Variants in SIK3 observed in about 807,000 individuals in gnomAD.
SIK3 encodes the protein SIK family kinase 3.
In SIK3, 28 loss-of-function variants were observed where a neutral mutation model predicts 144.2. The ratio of observed to expected loss-of-function variants is 0.19; its 90% CI spans 0.14 to 0.27. The LOEUF (loss-of-function observed/expected upper bound fraction) is 0.27. SIK3 is among the 10% of genes least tolerant of loss of function. SIK3 has a pLI of 1.00. For synonymous variants in SIK3, 686 were observed against 676.3 expected, an observed-to-expected ratio of 1.01 and a Z score of -0.22; for missense variants, 1,319 against 1,776.0, an observed-to-expected ratio of 0.74 and a Z score of 4.62.
In SIK3 at chr11:117,001,842, AG is replaced by A. The variant is rs573588173; in HGVS notation, c.274-44779del. ...TGAATACAATACTCTCCCTACCTTCAGTCCACCTTCTACATTGTCACATGAA... is the reference window on the plus strand; with the variant it reads ...TGAATACAATACTCTCCCTACCTTCATCCACCTTCTACATTGTCACATGAA... On this transcript the variant is annotated intron_variant, in intron 1 of 24. Transcript: ENST00000445177. 2.0e-3 allele frequency among the ~76,000 whole-genome samples: 311 copies of A among 152,340 alleles called. 3 individuals carry two copies. Among genetic ancestry groups the A allele is most frequent in the African/African-American group, 7.0e-3 (290 of 41,564 alleles).
At chr11:116,999,982 T>C (rs1297363092) in intron 1 of SIK3, among the ~76,000 whole-genome samples, 2 of 152,362 alleles carry the variant, frequency 1.3e-5, no homozygotes, top group East Asian at 3.9e-4. Context: ...AATAAAGTTT[T>C]TCCATTATGG....
chr11:117,022,598 A>G (rs1951824609), intron 1 of SIK3, among the ~76,000 whole-genome samples: 1 of 152,240 alleles, frequency 6.6e-6, no homozygotes, highest in African/African-American at 2.4e-5. Context: ...GTGAGCATAT[A>G]AACCACATTC....
At chr11:116,914,412 T>G (rs925325684) in intron 4 of SIK3, among the ~76,000 whole-genome samples, 2 of 152,102 alleles carry the variant, frequency 1.3e-5, no homozygotes, top group African/African-American at 4.8e-5. Context: ...TTTCACCATG[T>G]TGGCCAGGCT....
intron 3 of SIK3, among the ~76,000 whole-genome samples, chr11:116,936,083 T>G (rs1947900927): frequency 6.6e-6 from 1 of 152,226 alleles, no homozygotes; most frequent in Non-Finnish European, 1.5e-5. Context: ...AAGATCAGCC[T>G]GGGCAACATA....
At chr11:117,062,942 TA>T (rs1273123659) in intron 1 of SIK3, among the ~76,000 whole-genome samples, 2 of 152,232 alleles carry the variant, frequency 1.3e-5, no homozygotes, top group Non-Finnish European at 2.9e-5. Context: ...CAATGTGATT[TA>T]AGTTTGTTTT....
chr11:116,866,184 T>G (rs139587024), intron 15 of SIK3, among the ~76,000 whole-genome samples: 1 of 152,132 alleles, frequency 6.6e-6, no homozygotes, highest in Non-Finnish European at 1.5e-5. Context: ...ACGATCTTCA[T>G]GTTCCCCTCA....
chr11:117,032,747 T>C (rs570355709), intron 1 of SIK3, among the ~76,000 whole-genome samples: 1 of 152,130 alleles, frequency 6.6e-6, no homozygotes, highest in Non-Finnish European at 1.5e-5. Flanking sequence ...AAGTTCATCT[T>C]TTTTATCTGA....
chr11:116,877,076 G>A, intron 6 of SIK3, 34 bp from the exon 7 acceptor site: 2 of 1,588,016 alleles, frequency 1.3e-6, no homozygotes, highest in South Asian at 1.1e-5. Context: ...TTCAGTCTCT[G>A]GTGAGGGGAG....
At chr11:117,060,533 T>G (rs1029293599) in intron 1 of SIK3, among the ~76,000 whole-genome samples, 1 of 148,544 alleles carries the variant, frequency 6.7e-6, no homozygotes, top group African/African-American at 2.5e-5. Flanking sequence ...AGAGGCAGAG[T>G]TTGCAGTGAG....
At chr11:116,860,018 G>A (rs1317688834) in intron 19 of SIK3, among the ~76,000 whole-genome samples, 1 of 152,106 alleles carries the variant, frequency 6.6e-6, no homozygotes, top group Non-Finnish European at 1.5e-5. Flanking sequence ...AGGCCGAGGT[G>A]GGCGGATCAT....
chr11:117,022,834 TA>T (rs61697392), intron 1 of SIK3, among the ~76,000 whole-genome samples: 99,946 of 146,042 alleles, frequency 0.68, 34,168 homozygotes, highest in Non-Finnish European at 0.74. Context: ...GTGAAGAAGT[TA>T]AAAAAAAAAA....
At chr11:117,018,389 A>G (rs1951624510) in intron 1 of SIK3, among the ~76,000 whole-genome samples, 1 of 152,256 alleles carries the variant, frequency 6.6e-6, no homozygotes, top group Non-Finnish European at 1.5e-5. Context: ...TGCAGGGGTC[A>G]GCTCTACAAC....
At chr11:117,075,644 C>T (rs1453812826) in intron 1 of SIK3, among the ~76,000 whole-genome samples, 1 of 150,574 alleles carries the variant, frequency 6.6e-6, no homozygotes, top group Non-Finnish European at 1.5e-5. Context: ...CAGGTTCACG[C>T]CATTCTCCTG....
In SIK3 at chr11:117,013,903, GGGGGGGGGGA is replaced by G. The variant is rs1309572829; in HGVS notation, c.274-56849_274-56840del. On this transcript the variant is annotated intron_variant, in intron 1 of 24. Coordinates refer to ENST00000445177, the MANE Select transcript of SIK3 (RefSeq NM_001366686.3). Reference sequence around the variant, plus strand: ...GATATAAGTCTCCAGATTCTGAGGGGGGGGGGGGGAGGGTGTGTGTGTGTGTGTGTGTGTG... The same window carrying G: ...GATATAAGTCTCCAGATTCTGAGGGGGGGTGTGTGTGTGTGTGTGTGTGTG... Among the ~76,000 whole-genome samples the G allele has an allele frequency of 5.9e-4, 31 of 52,836 alleles. 1 individual carries two copies. Among genetic ancestry groups the G allele is most frequent in the African/African-American group, 1.6e-3 (27 of 16,896 alleles). 34.7% of individuals were successfully genotyped at this position (52,836 alleles called of 152,430 possible).
chr11:116,912,013 G>A (rs1393582210), intron 4 of SIK3, among the ~76,000 whole-genome samples: 1 of 152,142 alleles, frequency 6.6e-6, no homozygotes, highest in African/African-American at 2.4e-5. Flanking sequence ...AGCGAAGTTG[G>A]TCTCTTCATG....
intron 1 of SIK3, among the ~76,000 whole-genome samples, chr11:116,965,765 AT>A (rs1565507694): frequency 1.5e-4 from 8 of 54,020 alleles, no homozygotes; most frequent in African/African-American, 3.4e-4. Flanking sequence ...ATATATATAT[AT>A]ATATATATAT....
intron 1 of SIK3, among the ~76,000 whole-genome samples, chr11:117,067,258 A>G (rs1352693040): frequency 6.6e-6 from 1 of 152,234 alleles, no homozygotes; most frequent in Non-Finnish European, 1.5e-5. Context: ...CATAAAAGCA[A>G]GAAAACCAGA....
chr11:116,871,191 C>A (rs753082002), intron 13 of SIK3, among the ~76,000 whole-genome samples: 1 of 152,216 alleles, frequency 6.6e-6, no homozygotes, highest in Non-Finnish European at 1.5e-5. Flanking sequence ...GCTAGCTACC[C>A]ATAGCCTGGG....
At chr11:117,063,593 T>C (rs1307123089) in intron 1 of SIK3, among the ~76,000 whole-genome samples, 3 of 151,560 alleles carry the variant, frequency 2.0e-5, no homozygotes, top group Non-Finnish European at 1.5e-5. Flanking sequence ...TTTCTTTTTT[T>C]TTTTTTTTTT....
Sources: allele counts gnomAD v4.1 joint callset (sites outside exome capture counted in the v4.1 genomes callset), GRCh38; gene constraint gnomAD v4.1.1; transcripts MANE v1.5; gene names NCBI Gene and HGNC (gene_info 2026-07-23, HGNC 2026-07-21).